The following ZNF678 variants were observed in gnomAD, a reference collection of about 807,000 sequenced individuals.
The protein encoded by ZNF678 is zinc finger protein 678.
Under a neutral mutation model 3.0 loss-of-function variants are expected in ZNF678, and 5 were observed. That is an observed-to-expected ratio of 1.69 (90% CI 0.88 to 3.56). The LOEUF (loss-of-function observed/expected upper bound fraction) is 3.56. Among genes scored for constraint, ZNF678 ranks in the 30% most tolerant of loss-of-function variants. The probability of loss-of-function intolerance (pLI) is 0.00; values close to 1 mark genes in which losing one functional copy is unlikely to be tolerated. For synonymous variants in ZNF678, 218 were observed against 199.6 expected (o/e 1.09, Z -0.78); for missense variants, 593 against 605.0 (o/e 0.98, Z 0.21).
At chr1:227,639,269 T>C (rs993348575) in intron 1 of ZNF678, among the ~76,000 whole-genome samples, 2 of 152,214 alleles carry the variant, frequency 1.3e-5, no homozygotes, top group African/African-American at 4.8e-5. Context: ...AGGAGGCTTC[T>C]GTGTGGAGCT....
At chr1:227,635,770 G>A (rs970746719) in intron 1 of ZNF678, among the ~76,000 whole-genome samples, 1 of 152,050 alleles carries the variant, frequency 6.6e-6, no homozygotes, top group Non-Finnish European at 1.5e-5. Flanking sequence ...CTCTCTTGCT[G>A]CTTCTGCTAT....
intron 1 of ZNF678, among the ~76,000 whole-genome samples, chr1:227,570,071 T>C (rs1365173749): frequency 6.6e-6 from 1 of 152,186 alleles, no homozygotes; most frequent in African/African-American, 2.4e-5. Flanking sequence ...GCACATGTGG[T>C]TGTGAGTCCT....
At chr1:227,651,892 T>C (rs1010764548) in intron 3 of ZNF678, among the ~76,000 whole-genome samples, 9 of 152,212 alleles carry the variant, frequency 5.9e-5, no homozygotes, top group African/African-American at 1.9e-4. Flanking sequence ...AAGGCACTTA[T>C]GTCCATAGAT....
chr1:227,639,213 A>T (rs1171354770), intron 1 of ZNF678, among the ~76,000 whole-genome samples: 1 of 152,174 alleles, frequency 6.6e-6, no homozygotes, highest in African/African-American at 2.4e-5. Flanking sequence ...ATTGGCCTTC[A>T]TTGCCGCACT....
At chr1:227,580,037 G>A (rs987496690) in intron 1 of ZNF678, among the ~76,000 whole-genome samples, 6 of 152,108 alleles carry the variant, frequency 3.9e-5, no homozygotes, top group Admixed American at 2.0e-4. Flanking sequence ...GGTGGTCGAG[G>A]GGTCTCTTCC....
At chr1:227,649,053 A>G (rs1659026036) in intron 2 of ZNF678, among the ~76,000 whole-genome samples, 1 of 152,164 alleles carries the variant, frequency 6.6e-6, no homozygotes, top group Non-Finnish European at 1.5e-5. Context: ...CATTATTTTT[A>G]TGACCGAATA....
intron 1 of ZNF678, among the ~76,000 whole-genome samples, chr1:227,635,389 CTATCTTA>C (rs1658649009): frequency 1.3e-5 from 2 of 152,318 alleles, no homozygotes; most frequent in Middle Eastern, 3.4e-3. Flanking sequence ...AGTTCCAAAA[CTATCTTA>C]TGTCATGAAG....
intron 1 of ZNF678, among the ~76,000 whole-genome samples, chr1:227,600,649 ATTTG>A (rs1345427397): frequency 1.2e-4 from 18 of 151,454 alleles, no homozygotes; most frequent in Admixed American, 1.3e-4. Context: ...TTTCTTTTAG[ATTTG>A]TTTAAGTTCC....
chr1:227,599,161 G>T (rs1657670563), intron 1 of ZNF678: 1 of 1,276,086 alleles, frequency 7.8e-7, no homozygotes, highest in South Asian at 1.2e-5. Context: ...TCCAGTTCTA[G>T]AATCATTTTC....
intron 3 of ZNF678, among the ~76,000 whole-genome samples, chr1:227,652,856 A>C (rs1659123823): frequency 6.6e-6 from 1 of 152,082 alleles, no homozygotes. Context: ...TTTCCCAGAC[A>C]GTTATGTATT....
At chr1:227,593,889 G>A (rs1270801455) in intron 1 of ZNF678, among the ~76,000 whole-genome samples, 1 of 125,974 alleles carries the variant, frequency 7.9e-6, no homozygotes, top group East Asian at 2.6e-4. Flanking sequence ...TTTGATGTAC[G>A]AACAGCAGTC....
At chr1:227,621,868 A>T (rs1172923750) in intron 1 of ZNF678, among the ~76,000 whole-genome samples, 1 of 152,212 alleles carries the variant, frequency 6.6e-6, no homozygotes, top group African/African-American at 2.4e-5. Flanking sequence ...ACCACCATCA[A>T]CATTAATTAA....
At chr1:227,580,515 T>C (rs1657098001) in intron 1 of ZNF678, among the ~76,000 whole-genome samples, 1 of 152,202 alleles carries the variant, frequency 6.6e-6, no homozygotes, top group Non-Finnish European at 1.5e-5. Context: ...TTGATGCCTT[T>C]ATGAAACTAA....
chr1:227,600,234 A>G (rs751659798), intron 1 of ZNF678, among the ~76,000 whole-genome samples: 56 of 152,150 alleles, frequency 3.7e-4, no homozygotes, highest in Admixed American at 1.5e-3. Flanking sequence ...GGTTGATTCT[A>G]TGTCTTTGCT....
At chr1:227,613,154 TG>T (rs1658060923) in intron 1 of ZNF678, among the ~76,000 whole-genome samples, 1 of 152,178 alleles carries the variant, frequency 6.6e-6, no homozygotes, top group African/African-American at 2.4e-5. Context: ...TATCTGCCTC[TG>T]GTACTAGCTC....
At chr1:227,662,507 A>G (rs919626761), downstream of ZNF678, 1 of 152,216 alleles carries the variant, frequency 6.6e-6, no homozygotes, top group Admixed American at 6.5e-5. Context: ...AGAAACAGCT[A>G]CAGCAGTTTC....
Position 227,658,537 on chromosome 1 carries a change from A to G in ZNF678, c.*2709A>G, listed in dbSNP as rs1426652793. 1 of 151,874 alleles carries G rather than the reference A, an allele frequency of 6.6e-6. No individual in the cohort carries two copies. Among genetic ancestry groups the G allele is most frequent in the Non-Finnish European group, 1.5e-5 (1 of 67,884 alleles). The allele number at this position is 151,874 out of a possible 1,614,324, so 9.4% of individuals were successfully genotyped here. On this transcript the variant is annotated 3_prime_UTR_variant, in exon 4 of 4. Coordinates refer to ENST00000343776, the MANE Select transcript of ZNF678 (RefSeq NM_001367909.1). Reference sequence around the variant, plus strand: ...ATCTCTGGTACTTCACTGTTATTTTATTTTCACCCCCAACTATGCGTCAAT... The same window carrying G: ...ATCTCTGGTACTTCACTGTTATTTTGTTTTCACCCCCAACTATGCGTCAAT...
chr1:227,583,974 A>G (rs998602649), intron 1 of ZNF678, among the ~76,000 whole-genome samples: 1 of 152,224 alleles, frequency 6.6e-6, no homozygotes, highest in Non-Finnish European at 1.5e-5. Context: ...TTAGAATCAT[A>G]TATCTGTTGC....
intron 1 of ZNF678, among the ~76,000 whole-genome samples, chr1:227,617,601 C>T (rs1018961910): frequency 6.6e-5 from 10 of 152,122 alleles, no homozygotes; most frequent in Admixed American, 2.0e-4. Context: ...TTGGGTTGTG[C>T]GCCTACCTCA....
Sources: gnomAD v4.1 joint callset for allele counts (sites outside exome capture counted in the v4.1 genomes callset) on GRCh38, gnomAD v4.1.1 for gene constraint, MANE v1.5 for transcripts, NCBI Gene and HGNC (gene_info 2026-07-23, HGNC 2026-07-21) for gene names.